CAPS2: variants seen among roughly 807,000 people sequenced by gnomAD.
The protein encoded by CAPS2 is calcyphosine 2.
In CAPS2, 98 loss-of-function variants were observed where a neutral mutation model predicts 86.5. That is an observed-to-expected ratio of 1.13 (90% CI 0.96 to 1.34). The LOEUF is 1.34. CAPS2 is among the 40% of genes most tolerant of loss of function. The pLI is 0.00. For missense variants in CAPS2, 729 were observed against 686.8 expected, an observed-to-expected ratio of 1.06 and a Z score of -0.69; for synonymous variants, 210 against 225.1, an observed-to-expected ratio of 0.93 and a Z score of 0.60.
chr12:75,357,973 TA>T (rs1313204999), intron 1 of CAPS2, among the ~76,000 whole-genome samples: 203 of 127,270 alleles, frequency 1.6e-3, no homozygotes, highest in Admixed American at 1.9e-3. Flanking sequence ...AAATCTAAAG[TA>T]AAAAAAAAAA....
intron 15 of CAPS2, among the ~76,000 whole-genome samples, chr12:75,282,711 A>T (rs2034199015): frequency 6.6e-6 from 1 of 152,168 alleles, no homozygotes; most frequent in Admixed American, 6.6e-5. Context: ...TTTTAAGTAA[A>T]ATTATTAGAC....
At chr12:75,370,828 A>G (rs1034751320) in intron 1 of CAPS2, among the ~76,000 whole-genome samples, 4 of 152,174 alleles carry the variant, frequency 2.6e-5, no homozygotes, top group African/African-American at 9.7e-5. Context: ...ATTTCTACAA[A>G]CCAGATAATT....
intron 15 of CAPS2, among the ~76,000 whole-genome samples, chr12:75,282,774 G>A (rs2034209777): frequency 6.6e-6 from 1 of 152,084 alleles, no homozygotes; most frequent in South Asian, 2.1e-4. Context: ...CTATAAACAA[G>A]ACATTTTAAA....
chr12:75,378,854 A>T (rs1020846225), intron 1 of CAPS2, among the ~76,000 whole-genome samples: 1 of 152,212 alleles, frequency 6.6e-6, no homozygotes, highest in Non-Finnish European at 1.5e-5. Flanking sequence ...TTACTATTTG[A>T]CATCATGTAT....
rs759024174 is a variant in CAPS2, at chr12:75,312,921, A to G, written c.592-6T>C. On this transcript the variant is annotated splice_polypyrimidine_tract_variant and splice_region_variant and intron_variant, in intron 6 of 16. Coordinates refer to ENST00000393284, the Ensembl canonical transcript of CAPS2. ...TTCTCTGCAGCCACAATTTCCTGGG[A>G]AGATTAAATAAAGACAACTTCACCA... The G allele has an allele frequency of 6.3e-7, 1 of 1,589,816 alleles. No individual in the cohort carries two copies. The highest frequency in any genetic ancestry group is 8.6e-7 in the Non-Finnish European group (1 of 1,159,098).
intron 1 of CAPS2, among the ~76,000 whole-genome samples, chr12:75,338,233 A>G (rs1050448025): frequency 6.6e-6 from 1 of 152,190 alleles, no homozygotes; most frequent in Non-Finnish European, 1.5e-5. Flanking sequence ...CAACACATAT[A>G]AAGAATATTA....
intron 1 of CAPS2, among the ~76,000 whole-genome samples, chr12:75,348,295 T>C (rs2042584543): frequency 6.6e-6 from 1 of 151,942 alleles, no homozygotes; most frequent in South Asian, 2.1e-4. Flanking sequence ...AATTTAAAAA[T>C]AAGCAGTAGA....
At chr12:75,343,776 A>T (rs1468624532) in intron 1 of CAPS2, 1 of 1,613,222 alleles carries the variant, frequency 6.2e-7, no homozygotes, top group East Asian at 2.2e-5. Flanking sequence ...TGGATAAATC[A>T]TATAAATGCT....
chr12:75,327,149 T>C (rs1307438396), upstream of CAPS2, among the ~76,000 whole-genome samples: 1 of 152,234 alleles, frequency 6.6e-6, no homozygotes, highest in South Asian at 2.1e-4. Flanking sequence ...CCACTAAGTT[T>C]AAATAAATTT....
chr12:75,353,816 A>G (rs181648368), intron 1 of CAPS2, among the ~76,000 whole-genome samples: 1 of 152,308 alleles, frequency 6.6e-6, no homozygotes, highest in East Asian at 1.9e-4. Context: ...CTTCATCCCC[A>G]GGATGCAAGT....
intron 1 of CAPS2, among the ~76,000 whole-genome samples, chr12:75,389,873 T>C (rs572178466): frequency 1.3e-4 from 20 of 152,328 alleles, no homozygotes; most frequent in African/African-American, 4.8e-4. Flanking sequence ...GCTGGATCTG[T>C]GTCTTGTCTA....
rs1380487952 is a variant in CAPS2, at chr12:75,373,530, C to T, written c.-395+17308G>A. 2.0e-5 allele frequency: 3 copies of T among 152,296 alleles called. No individual in the cohort carries two copies. In the East Asian group the frequency reaches 5.8e-4, roughly 29 times the overall value. The allele number at this position is 152,296 out of a possible 1,614,324, so 9.4% of individuals were successfully genotyped here. A position where few individuals can be genotyped will look rare whatever the true frequency, so the allele number is the denominator to read the frequency against. On this transcript the variant is annotated intron_variant, in intron 1 of 5. Transcript: ENST00000551829. ...TATATTATCATACATCTGGCCATTT[C>T]TCCTTCCAAGCAAAGTGTACAGCCA...
chr12:75,324,714 G>A (rs900012872), intron 2 of CAPS2, among the ~76,000 whole-genome samples: 2 of 151,884 alleles, frequency 1.3e-5, no homozygotes, highest in African/African-American at 4.8e-5. Context: ...AAAAAGCTCT[G>A]TAATCTAAAA....
Position 75,298,891 on chromosome 12 carries a change from A to T in CAPS2, c.930T>A (p.Tyr310Ter). 1 of 1,611,052 alleles carries T rather than the reference A, an allele frequency of 6.2e-7. No individual in the cohort carries two copies. Among genetic ancestry groups the T allele is most frequent in the East Asian group, 2.2e-5 (1 of 44,838 alleles). The change falls in exon 10 of 17, where the codon TAT becomes TAA. Residue 310 changes from tyrosine to a stop codon, truncating the protein, a stop_gained. Coordinates refer to ENST00000393284, the Ensembl canonical transcript of CAPS2. LOFTEE classifies it high-confidence loss of function. Reference sequence around the variant, plus strand: ...CATACCTATTTTTCCCAAATTGTCGATATTCATAAATTGTAAGGGATTGGT... The same window carrying T: ...CATACCTATTTTTCCCAAATTGTCGTTATTCATAAATTGTAAGGGATTGGT...
intron 7 of CAPS2, among the ~76,000 whole-genome samples, chr12:75,308,162 A>G (rs1280688391): frequency 6.6e-6 from 1 of 152,192 alleles, no homozygotes; most frequent in Non-Finnish European, 1.5e-5. Context: ...GTCACTTTCC[A>G]TGACCAATCA....
chr12:75,298,457 G>A, intron 11 of CAPS2: 1 of 485,780 alleles, frequency 2.1e-6, no homozygotes, highest in South Asian at 3.8e-5. Flanking sequence ...GGAATGGGAA[G>A]GGGGGTGTTA....
intron 5 of CAPS2, among the ~76,000 whole-genome samples, 168 bp from the exon 6 acceptor site, chr12:75,316,602 C>T (rs1182414897): frequency 6.6e-6 from 1 of 152,172 alleles, no homozygotes; most frequent in Non-Finnish European, 1.5e-5. Flanking sequence ...AGCTCTTCCA[C>T]TTGCCCGCTA....
chr12:75,291,566 AGT>A (rs1491139669), intron 13 of CAPS2, among the ~76,000 whole-genome samples, 176 bp downstream of exon 13: 25 of 41,786 alleles, frequency 6.0e-4, no homozygotes, highest in Non-Finnish European at 7.4e-4. Flanking sequence ...TATTTTTAAA[AGT>A]ATATATATAT....
At chr12:75,332,221 T>C (rs1227825275), upstream of CAPS2, among the ~76,000 whole-genome samples, 1 of 152,222 alleles carries the variant, frequency 6.6e-6, no homozygotes, top group Non-Finnish European at 1.5e-5. Flanking sequence ...AATTTCTCTA[T>C]ACACTAAATG....
Sources: gnomAD v4.1 joint callset for allele counts (sites outside exome capture counted in the v4.1 genomes callset) on GRCh38, gnomAD v4.1.1 for gene constraint, MANE v1.5 for transcripts, NCBI Gene and HGNC (gene_info 2026-07-23, HGNC 2026-07-21) for gene names.